The following LINGO2 variants were observed in gnomAD, a reference collection of about 807,000 sequenced individuals.
The protein encoded by LINGO2 is leucine-rich repeat and immunoglobulin-like domain-containing nogo receptor-interacting protein 2.
A neutral mutation model predicts 30.6 loss-of-function variants in LINGO2; 14 were observed. That is an observed-to-expected ratio of 0.46 (90% confidence interval 0.30 to 0.72). The LOEUF (loss-of-function observed/expected upper bound fraction) is 0.72, where lower values mean the gene tolerates loss of function less well. Among genes scored for constraint, LINGO2 ranks in the 30% least tolerant of loss-of-function variants. The probability of loss-of-function intolerance (pLI) is 0.07; values close to 1 mark genes in which losing one functional copy is unlikely to be tolerated. For synonymous variants in LINGO2, 317 were observed against 288.5 expected (o/e 1.10, Z -1.00); for missense variants, 729 against 751.7 (o/e 0.97, Z 0.35).
the LINGO2 span, among the ~76,000 whole-genome samples, chr9:28,834,865 T>C: frequency 6.6e-6 from 1 of 152,206 alleles, no homozygotes; most frequent in South Asian, 2.1e-4. Flanking sequence ...TTGTCTCATA[T>C]TGGAACTAAT....
intron 1 of LINGO2, among the ~76,000 whole-genome samples, chr9:28,523,986 T>C (rs940048992): frequency 1.3e-5 from 2 of 150,882 alleles, no homozygotes; most frequent in African/African-American, 4.9e-5. Flanking sequence ...ATCTTGAAAA[T>C]AAAAGATAAA....
chr9:28,797,725 G>A, the LINGO2 span, among the ~76,000 whole-genome samples: 70 of 152,136 alleles, frequency 4.6e-4, no homozygotes, highest in African/African-American at 1.7e-3. Flanking sequence ...TGGAGCTTAG[G>A]TGGGAGATCT....
chr9:28,889,012 T>C, the LINGO2 span: 1 of 478,294 alleles, frequency 2.1e-6, no homozygotes, highest in South Asian at 1.5e-5. Context: ...ATTTCCTCCA[T>C]TTCAAGTGAA....
chr9:28,369,143 C>T (rs899430102), intron 3 of LINGO2, among the ~76,000 whole-genome samples: 4 of 152,192 alleles, frequency 2.6e-5, no homozygotes, highest in Non-Finnish European at 5.9e-5. Flanking sequence ...CATTTCTGGG[C>T]ATTTCTGGGG....
At chr9:29,032,993 G>T in the LINGO2 span, among the ~76,000 whole-genome samples, 1 of 152,052 alleles carries the variant, frequency 6.6e-6, no homozygotes, top group Non-Finnish European at 1.5e-5. Context: ...TTACAATTAT[G>T]CCATATAGAT....
intron 5 of LINGO2, among the ~76,000 whole-genome samples, chr9:27,996,767 C>G (rs1014296789): frequency 6.6e-6 from 1 of 152,120 alleles, no homozygotes; most frequent in Non-Finnish European, 1.5e-5. Flanking sequence ...CAACATTCCA[C>G]ACACAAAGAA....
the LINGO2 span, among the ~76,000 whole-genome samples, chr9:28,752,475 A>G: frequency 6.6e-6 from 1 of 152,074 alleles, no homozygotes; most frequent in Non-Finnish European, 1.5e-5. Flanking sequence ...AAATACACAA[A>G]TAGGCACACA....
At chr9:28,467,146 C>T (rs2135151023) in intron 2 of LINGO2, among the ~76,000 whole-genome samples, 1 of 152,200 alleles carries the variant, frequency 6.6e-6, no homozygotes, top group Non-Finnish European at 1.5e-5. Flanking sequence ...CTGCCTCAGC[C>T]TCCCGAGTAG....
the LINGO2 span, among the ~76,000 whole-genome samples, chr9:28,983,296 C>T: frequency 6.9e-6 from 1 of 144,072 alleles, no homozygotes; most frequent in African/African-American, 2.5e-5. Flanking sequence ...TGTGTGGTGA[C>T]CCATTTATTA....
rs1821285079 is a variant in LINGO2, at chr9:28,380,054, T to TG, written c.-278-7187_-278-7186insC. On this transcript the variant is annotated intron_variant, in intron 2 of 5. Transcript: ENST00000379992. ...TTTTATTTACAGATTATTTATGTCCTCTTTGCTGCTACAGTAGCAGAGTTA... is the reference window on the plus strand; with the variant it reads ...TTTTATTTACAGATTATTTATGTCCTGCTTTGCTGCTACAGTAGCAGAGTTA... Among the ~76,000 whole-genome samples the TG allele has an allele frequency of 2.0e-5, 3 of 152,252 alleles. No homozygotes were observed. The South Asian group carries it at 6.2e-4, about 32-fold the overall frequency.
chr9:28,069,864 G>T (rs1444924677), intron 4 of LINGO2, among the ~76,000 whole-genome samples: 1 of 152,096 alleles, frequency 6.6e-6, no homozygotes, highest in Admixed American at 6.5e-5. Flanking sequence ...AAAATAGTTT[G>T]CTTAACTGCC....
intron 4 of LINGO2, among the ~76,000 whole-genome samples, chr9:28,087,593 A>G (rs1282883445): frequency 1.3e-5 from 2 of 151,998 alleles, no homozygotes; most frequent in Non-Finnish European, 2.9e-5. Flanking sequence ...TTTTCCTGGA[A>G]TGATCATGAA....
intron 5 of LINGO2, among the ~76,000 whole-genome samples, chr9:27,969,096 A>G (rs1211945515): frequency 2.0e-5 from 3 of 150,200 alleles, no homozygotes; most frequent in African/African-American, 7.5e-5. Context: ...TAAATGGCTC[A>G]GCAAACAGAT....
chr9:28,101,641 G>A (rs1369467242), intron 4 of LINGO2, among the ~76,000 whole-genome samples: 1 of 152,148 alleles, frequency 6.6e-6, no homozygotes, highest in Admixed American at 6.6e-5. Flanking sequence ...GGTATTGGTT[G>A]CAAGAATGCC....
intron 4 of LINGO2, among the ~76,000 whole-genome samples, chr9:28,013,906 A>G (rs1308354100): frequency 6.6e-6 from 1 of 152,160 alleles, no homozygotes; most frequent in Non-Finnish European, 1.5e-5. Context: ...TGGGGCTTTC[A>G]TTGCCGTTAT....
chr9:28,902,176 T>C, the LINGO2 span, among the ~76,000 whole-genome samples: 4 of 152,254 alleles, frequency 2.6e-5, no homozygotes, highest in African/African-American at 9.6e-5. Flanking sequence ...GGAAAAAATA[T>C]TTCATGCAAA....
the LINGO2 span, among the ~76,000 whole-genome samples, chr9:28,985,175 A>G: frequency 2.0e-5 from 3 of 152,156 alleles, no homozygotes; most frequent in African/African-American, 7.2e-5. Context: ...AATTCCATCC[A>G]AGTTGTTGCA....
intron 1 of LINGO2, among the ~76,000 whole-genome samples, chr9:28,622,769 T>C (rs997155487): frequency 2.0e-5 from 3 of 151,958 alleles, no homozygotes; most frequent in Admixed American, 2.0e-4. Context: ...CTCCAAACTA[T>C]TCTCCATAGT....
chr9:28,773,865 T>G, the LINGO2 span, among the ~76,000 whole-genome samples: 5 of 152,176 alleles, frequency 3.3e-5, no homozygotes, highest in East Asian at 1.9e-4. Flanking sequence ...AAACTCACGC[T>G]ACATCGTGCT....
Sources: allele counts gnomAD v4.1 joint callset (sites outside exome capture counted in the v4.1 genomes callset), GRCh38; gene constraint gnomAD v4.1.1; transcripts MANE v1.5; gene names NCBI Gene and HGNC (gene_info 2026-07-23, HGNC 2026-07-21).